FRK: variants seen among roughly 807,000 people sequenced by gnomAD.
The protein encoded by FRK is fyn related Src family tyrosine kinase, also known as tyrosine-protein kinase FRK.
Under a neutral mutation model 56.4 loss-of-function variants are expected in FRK, and 51 were observed. The ratio of observed to expected loss-of-function variants is 0.90; its 90% CI spans 0.72 to 1.14. FRK has a LOEUF of 1.14. Ranked by LOEUF, FRK falls within the 50% of genes most tolerant of loss-of-function variation. The pLI, the probability that FRK is intolerant of heterozygous loss-of-function variation, is 0.00. For missense variants in FRK, 570 were observed against 601.4 expected, an observed-to-expected ratio of 0.95 and a Z score of 0.55; for synonymous variants, 245 against 217.9, an observed-to-expected ratio of 1.12 and a Z score of -1.10.
intron 1 of FRK, among the ~76,000 whole-genome samples, chr6:116,053,952 A>C (rs1210580773): frequency 6.6e-6 from 1 of 152,068 alleles, no homozygotes; most frequent in Non-Finnish European, 1.5e-5. Context: ...GGTATTAATT[A>C]AACTTCAACT....
chr6:115,962,165 G>A (rs1773397786), intron 4 of FRK, among the ~76,000 whole-genome samples: 1 of 136,792 alleles, frequency 7.3e-6, no homozygotes, highest in African/African-American at 2.8e-5. Context: ...CACGTGCAGA[G>A]ACACACATAG....
At position 115,942,468 on chromosome 6, in the gene FRK, T is replaced by A. The variant is rs372823762; in HGVS notation, c.1464A>T (p.Glu488Asp). The A allele has an allele frequency of 6.2e-7, 1 of 1,613,798 alleles. No individual in the cohort carries two copies. Residue 488 changes from glutamate to aspartate, a missense_variant, in exon 8 of 8, where the codon GAA becomes GAT. Physicochemically the swap from Glu to Asp is conservative, Grantham distance 45. Coordinates refer to ENST00000606080, the MANE Select transcript of FRK (RefSeq NM_002031.3). ...PTFETLRWKL[E>D]DYFETDSSYS... is the part of the protein sequence containing the mutation. The stretch of plus-strand genomic sequence containing the variant: ...ATGAAGAGTCTGTTTCAAAATAGTC[T>A]TCAAGTTTCCAACGCAGTGTCTCAA...
At chr6:115,967,276 G>A (rs1347171838) in intron 4 of FRK, among the ~76,000 whole-genome samples, 3 of 152,116 alleles carry the variant, frequency 2.0e-5, no homozygotes, top group Non-Finnish European at 4.4e-5. Context: ...ATGGGAAGAA[G>A]GACATTGGAA....
intron 4 of FRK, among the ~76,000 whole-genome samples, chr6:115,960,327 C>T (rs1430209069): frequency 2.6e-5 from 4 of 151,370 alleles, no homozygotes; most frequent in African/African-American, 4.9e-5. Context: ...GAATATTGCG[C>T]TTTTCAGACC....
chr6:116,032,161 A>G (rs758275473), intron 1 of FRK, among the ~76,000 whole-genome samples: 3 of 152,042 alleles, frequency 2.0e-5, no homozygotes, highest in Non-Finnish European at 2.9e-5. Flanking sequence ...AAGACAATAA[A>G]TTTTTTCTGA....
intron 1 of FRK, among the ~76,000 whole-genome samples, chr6:116,028,243 A>T (rs1024793025): frequency 2.0e-5 from 3 of 152,196 alleles, no homozygotes; most frequent in Non-Finnish European, 4.4e-5. Flanking sequence ...ATTTATTTTT[A>T]AAAATTTCCT....
intron 1 of FRK, among the ~76,000 whole-genome samples, chr6:116,045,553 C>G (rs1776915926): frequency 6.6e-6 from 1 of 152,074 alleles, no homozygotes; most frequent in South Asian, 2.1e-4. Context: ...GAAACTGGAC[C>G]CCTTCCTTAC....
At chr6:116,030,392 C>T (rs1273382204) in intron 1 of FRK, among the ~76,000 whole-genome samples, 1 of 152,114 alleles carries the variant, frequency 6.6e-6, no homozygotes, top group African/African-American at 2.4e-5. Context: ...GCACCTAGCG[C>T]TCCTATCACT....
chr6:115,973,212 A>G (rs1379917052), intron 2 of FRK, among the ~76,000 whole-genome samples: 1 of 152,152 alleles, frequency 6.6e-6, no homozygotes, highest in Non-Finnish European at 1.5e-5. Context: ...CCTATATAAT[A>G]ATCATCAAAT....
At chr6:116,051,080 G>C (rs1777159596) in intron 1 of FRK, among the ~76,000 whole-genome samples, 2 of 152,142 alleles carry the variant, frequency 1.3e-5, no homozygotes, top group African/African-American at 2.4e-5. Context: ...CTTAAAGTGG[G>C]ATCTTCTGAA....
At chr6:116,090,338 T>A in the FRK span, among the ~76,000 whole-genome samples, 1 of 152,136 alleles carries the variant, frequency 6.6e-6, no homozygotes, top group Non-Finnish European at 1.5e-5. Flanking sequence ...GGGACAGTGA[T>A]TAGAATAGGA....
chr6:116,088,143 T>C, the FRK span, among the ~76,000 whole-genome samples: 1 of 152,352 alleles, frequency 6.6e-6, no homozygotes, highest in Middle Eastern at 3.4e-3. Flanking sequence ...TTGATGTTGC[T>C]TTTTGGTATT....
rs1327279787 is a variant in FRK at position 115,932,306 on chromosome 6, T to G, written c.*10108A>C. The G allele has an allele frequency of 6.6e-6, 1 of 152,218 alleles. No homozygotes were observed. The highest frequency in any genetic ancestry group is 1.5e-5 in the Non-Finnish European group (1 of 68,028). The allele number at this position is 152,218 out of a possible 1,614,324, so 9.4% of individuals were successfully genotyped here. ...AATGTAGGCAGTAAGAGGATAACAC[T>G]GAAAATTAAGATATGAATTTAAAAG... On this transcript the variant is annotated 3_prime_UTR_variant, in exon 8 of 8. Coordinates refer to ENST00000606080, the MANE Select transcript of FRK (RefSeq NM_002031.3).
intron 2 of FRK, among the ~76,000 whole-genome samples, chr6:115,969,999 T>C (rs1018886415): frequency 9.8e-5 from 15 of 152,366 alleles, no homozygotes; most frequent in African/African-American, 3.6e-4. Context: ...AGAATGCTAT[T>C]CTGCATTCCT....
At chr6:115,950,937 C>A (rs1328342837) in intron 5 of FRK, among the ~76,000 whole-genome samples, 1 of 152,192 alleles carries the variant, frequency 6.6e-6, no homozygotes, top group Non-Finnish European at 1.5e-5. Flanking sequence ...CCAAACACTG[C>A]ATGTTCTCAC....
chr6:116,089,459 T>C, the FRK span, among the ~76,000 whole-genome samples: 2 of 152,232 alleles, frequency 1.3e-5, no homozygotes, highest in Non-Finnish European at 2.9e-5. Flanking sequence ...CATAACAATA[T>C]GCCACAGATT....
chr6:116,084,734 T>C, the FRK span, among the ~76,000 whole-genome samples: 1 of 152,206 alleles, frequency 6.6e-6, no homozygotes, highest in Non-Finnish European at 1.5e-5. Flanking sequence ...CAAAGTTGTA[T>C]TGTAAGGGGC....
chr6:116,001,582 C>T (rs1223815403), intron 2 of FRK, among the ~76,000 whole-genome samples: 2 of 152,186 alleles, frequency 1.3e-5, no homozygotes, highest in Admixed American at 1.3e-4. Flanking sequence ...CATGACTCAG[C>T]TGTATCAACC....
rs10584062 is a variant in FRK, at chr6:116,026,542, AGAAGGAAG to A, written c.345-22552_345-22545del. Among the ~76,000 whole-genome samples the A allele has an allele frequency of 1.7e-3, 230 of 138,358 alleles. 1 individual carries two copies. The highest frequency in any genetic ancestry group is 2.2e-3 in the Non-Finnish European group (143 of 65,386). 90.8% of individuals were successfully genotyped at this position (138,358 alleles called of 152,430 possible). On this transcript the variant is annotated intron_variant, in intron 1 of 7. Coordinates refer to ENST00000606080, the MANE Select transcript of FRK (RefSeq NM_002031.3). ...AGGGAGGGAGGGGGGAAGGGAGGAA[AGAAGGAAG>A]GAAGGAAGGAAGGAAGGAAGGAAGG...
Sources: allele counts gnomAD v4.1 joint callset (sites outside exome capture counted in the v4.1 genomes callset), GRCh38; gene constraint gnomAD v4.1.1; transcripts MANE v1.5; gene names NCBI Gene and HGNC (gene_info 2026-07-23, HGNC 2026-07-21).